USP12: variants seen among roughly 807,000 people sequenced by gnomAD.
The protein encoded by USP12 is ubiquitin specific peptidase 12.
USP12 carries 19 observed loss-of-function variants against 45.5 expected under a neutral mutation model. That is an observed-to-expected ratio of 0.42 (90% confidence interval 0.29 to 0.61). The LOEUF is 0.61. USP12 is among the 20% of genes least tolerant of loss of function. USP12 has a pLI of 0.22. For synonymous variants in USP12, 149 were observed against 148.8 expected (o/e 1.00, Z -0.01); for missense variants, 242 against 447.7 (o/e 0.54, Z 4.15).
At chr13:27,095,893 T>C (rs986936769) in intron 3 of USP12, 63 bp from the exon 4 acceptor site, 70 of 1,241,224 alleles carry the variant, frequency 5.6e-5, no homozygotes, top group Non-Finnish European at 6.7e-5. Flanking sequence ...AAAAAACCAA[T>C]TTATAAAAGA....
At chr13:27,082,717 T>C (rs1380981452) in intron 6 of USP12, among the ~76,000 whole-genome samples, 1 of 152,192 alleles carries the variant, frequency 6.6e-6, no homozygotes, top group African/African-American at 2.4e-5. Context: ...ATTGTAAGGT[T>C]ATTAATTGGC....
intron 1 of USP12, among the ~76,000 whole-genome samples, chr13:27,157,266 T>C (rs1200483468): frequency 6.6e-6 from 1 of 152,222 alleles, no homozygotes; most frequent in Non-Finnish European, 1.5e-5. Flanking sequence ...TTTTGCTTGA[T>C]AAGTTTTACA....
chr13:27,080,768 C>T (rs985669811), intron 6 of USP12, among the ~76,000 whole-genome samples: 1 of 152,160 alleles, frequency 6.6e-6, no homozygotes, highest in African/African-American at 2.4e-5. Context: ...AAGTCATACA[C>T]ATTTTTGGTT....
chr13:27,169,028 G>A (rs1187631106), intron 1 of USP12: 3 of 152,050 alleles, frequency 2.0e-5, no homozygotes, highest in Non-Finnish European at 2.9e-5. Flanking sequence ...TGCTTCACCC[G>A]GCATACCAGG....
chr13:27,090,077 T>C lies in USP12; in HGVS notation c.650+5A>G, dbSNP rs745642897. The C allele has an allele frequency of 6.9e-6, 11 of 1,586,860 alleles. No homozygotes were observed. Among genetic ancestry groups the C allele is most frequent in the Non-Finnish European group, 9.5e-6 (11 of 1,162,008 alleles). ...AAATTTCAAACTAAATAATTCTACA[T>C]ATACCTTAAGCAGTGAGTAATTGAT... On this transcript the variant is annotated splice_donor_5th_base_variant and intron_variant, in intron 5 of 8. Transcript: ENST00000282344.
intron 1 of USP12, among the ~76,000 whole-genome samples, chr13:27,133,748 A>G (rs1184949855): frequency 1.3e-5 from 2 of 152,240 alleles, no homozygotes; most frequent in African/African-American, 4.8e-5. Flanking sequence ...TTTCACTAAT[A>G]ATCACCAACA....
intron 1 of USP12, among the ~76,000 whole-genome samples, chr13:27,171,029 T>C (rs1019184376): frequency 1.3e-5 from 2 of 152,074 alleles, no homozygotes; most frequent in African/African-American, 4.8e-5. Flanking sequence ...TTCCGTCCTC[T>C]CCCAGGCGGG....
rs762102296 is a variant in USP12, at chr13:27,105,953, GA to G, written c.130-10del. 296 of 1,494,766 alleles carry G rather than the reference GA, an allele frequency of 2.0e-4. No individual in the cohort carries two copies. The highest frequency in any genetic ancestry group is 9.2e-4 in the Admixed American group (44 of 47,962). The allele number at this position is 1,494,766 out of a possible 1,614,324, so 92.6% of individuals were successfully genotyped here. A position where few individuals can be genotyped will look rare whatever the true frequency, so the allele number is the denominator to read the frequency against. ...TAGCAGGTATTCCCAAACTGCAACA[GA>G]AAAAAAAAAGTTTTGTTAAATTTAG... On this transcript the variant is annotated splice_polypyrimidine_tract_variant and intron_variant, in intron 2 of 8. Transcript: ENST00000282344.
chr13:27,117,276 C>T (rs1408292914), intron 1 of USP12, among the ~76,000 whole-genome samples: 1 of 152,050 alleles, frequency 6.6e-6, no homozygotes, highest in Non-Finnish European at 1.5e-5. Context: ...TGTACTCTAA[C>T]AGGAGTGTAA....
rs1874712626 is a variant in USP12 at position 27,098,690 on chromosome 13, T to C, written c.344-2860A>G. ...GCAACCTAGTTCTCCCAGGTATCGA[T>C]GCCAGGTAAGTATCTGTGCATGTAC... is the stretch of plus-strand genomic sequence containing the variant. On this transcript the variant is annotated intron_variant, in intron 3 of 8. Transcript: ENST00000282344. Among the ~76,000 whole-genome samples, 2 of 152,244 alleles carry C rather than the reference T, an allele frequency of 1.3e-5. 1 individual carries two copies. The highest frequency in any genetic ancestry group is 4.1e-4 in the South Asian group (2 of 4,836).
At chr13:27,143,631 G>A (rs1311916117) in intron 1 of USP12, among the ~76,000 whole-genome samples, 2 of 152,098 alleles carry the variant, frequency 1.3e-5, no homozygotes, top group East Asian at 3.9e-4. Flanking sequence ...AGACATTGGT[G>A]GTCTCCACTT....
intron 1 of USP12, among the ~76,000 whole-genome samples, chr13:27,154,657 G>A (rs1490571753): frequency 6.6e-6 from 1 of 152,020 alleles, no homozygotes; most frequent in Admixed American, 6.6e-5. Context: ...AAAAAAACGT[G>A]GACGCATTGT....
chr13:27,156,627 G>A (rs758015543), intron 1 of USP12, among the ~76,000 whole-genome samples: 2 of 152,180 alleles, frequency 1.3e-5, no homozygotes, highest in African/African-American at 2.4e-5. Context: ...AGACCAGCCT[G>A]GCCAACATGG....
chr13:27,159,303 G>C (rs1027638048), intron 1 of USP12, among the ~76,000 whole-genome samples: 3 of 152,092 alleles, frequency 2.0e-5, no homozygotes, highest in Non-Finnish European at 4.4e-5. Flanking sequence ...TTACAAGGGC[G>C]TATCTACCAC....
rs529766932 is a variant in USP12, at chr13:27,068,545, A to G, written c.*738T>C. ...ACATTAACTAATAAAAATATGTTCAAATTTACTGACAGAATCATGGGCACT... is the reference window on the plus strand; with the variant it reads ...ACATTAACTAATAAAAATATGTTCAGATTTACTGACAGAATCATGGGCACT... On this transcript the variant is annotated 3_prime_UTR_variant, in exon 9 of 9. Transcript: ENST00000282344. 5.2e-5 allele frequency: 8 copies of G among 152,418 alleles called. No homozygotes were observed. The highest frequency in any genetic ancestry group is 3.4e-3 in the Middle Eastern group (1 of 294). 9.4% of individuals were successfully genotyped at this position (152,418 alleles called of 1,614,324 possible). A position where few individuals can be genotyped will look rare whatever the true frequency, so the allele number is the denominator to read the frequency against.
chr13:27,117,932 T>A, intron 1 of USP12: 1 of 394,578 alleles, frequency 2.5e-6, no homozygotes, highest in Non-Finnish European at 5.3e-6. Context: ...TTCTAAAATG[T>A]AGTTTGAAAG....
In USP12 at chr13:27,104,321, G is replaced by A. The variant is rs545606737; in HGVS notation, c.343+1410C>T. Among the ~76,000 whole-genome samples, 8 of 152,276 alleles carry A rather than the reference G, an allele frequency of 5.3e-5. 1 individual carries two copies. In the South Asian group the frequency reaches 8.3e-4, roughly 16 times the overall value. ...GCTGGGATTATAGGTGTGAGCCACC[G>A]TGTCCAGTCACTGAACATTTTTAAA... On this transcript the variant is annotated intron_variant, in intron 3 of 8. Transcript: ENST00000282344.
chr13:27,089,127 G>A (rs376862167), intron 6 of USP12, among the ~76,000 whole-genome samples: 52 of 152,252 alleles, frequency 3.4e-4, no homozygotes, highest in East Asian at 1.5e-3. Flanking sequence ...TAAAGAGACC[G>A]AATGCTAAAT....
chr13:27,127,902 G>A (rs2137807807), intron 1 of USP12, among the ~76,000 whole-genome samples: 2 of 152,258 alleles, frequency 1.3e-5, no homozygotes, highest in South Asian at 4.1e-4. Flanking sequence ...ATAATTCACT[G>A]CTAAATAACT....
Sources: allele counts gnomAD v4.1 joint callset (sites outside exome capture counted in the v4.1 genomes callset), GRCh38; gene constraint gnomAD v4.1.1; transcripts MANE v1.5; gene names NCBI Gene and HGNC (gene_info 2026-07-23, HGNC 2026-07-21).